Variants in NALF1 observed in about 807,000 individuals in gnomAD.
The protein encoded by NALF1 is NALCN channel auxiliary factor 1.
In NALF1, 3 loss-of-function variants were observed where a neutral mutation model predicts 48.4. The ratio of observed to expected loss-of-function variants is 0.06; its 90% CI spans 0.03 to 0.16. NALF1 has a LOEUF of 0.16. Among genes scored for constraint, NALF1 ranks in the 10% least tolerant of loss-of-function variants. The pLI is 1.00. For synonymous variants in NALF1, 262 were observed against 245.7 expected (o/e 1.07, Z -0.62); for missense variants, 526 against 571.5 (o/e 0.92, Z 0.81).
intron 1 of NALF1, among the ~76,000 whole-genome samples, chr13:107,631,813 A>C (rs998702975): frequency 6.6e-6 from 1 of 152,174 alleles, no homozygotes; most frequent in Non-Finnish European, 1.5e-5. Flanking sequence ...CAGAAATATT[A>C]GAAGTATTTC....
intron 1 of NALF1, chr13:107,835,452 G>A (rs1257724459): frequency 1.3e-5 from 2 of 152,190 alleles, no homozygotes; most frequent in East Asian, 3.9e-4. Context: ...CTGAAAGCAG[G>A]AGGAATAAAC....
chr13:107,635,586 A>G (rs1225520421), intron 1 of NALF1, among the ~76,000 whole-genome samples: 1 of 152,140 alleles, frequency 6.6e-6, no homozygotes, highest in Non-Finnish European at 1.5e-5. Context: ...TATGCAAGCC[A>G]CTATTTACTA....
rs1321326585 is a variant in NALF1, at chr13:107,272,340, G to A, written c.916-61585C>T. 3.4e-5 allele frequency among the ~76,000 whole-genome samples: 2 copies of A among 58,628 alleles called. 1 individual carries two copies. Among genetic ancestry groups the A allele is most frequent in the African/African-American group, 9.4e-5 (2 of 21,278 alleles). 38.5% of individuals were successfully genotyped at this position (58,628 alleles called of 152,430 possible). A position where few individuals can be genotyped will look rare whatever the true frequency, so the allele number is the denominator to read the frequency against. On this transcript the variant is annotated intron_variant, in intron 1 of 2. Coordinates refer to ENST00000375915, the MANE Select transcript of NALF1 (RefSeq NM_001080396.3). ...CGCCATTCTCCTGCCTCAGCCTCCCGAGTAGCTGGGACTACAGGCGCCCGC... is the reference window on the plus strand; with the variant it reads ...CGCCATTCTCCTGCCTCAGCCTCCCAAGTAGCTGGGACTACAGGCGCCCGC...
intron 1 of NALF1, among the ~76,000 whole-genome samples, chr13:107,430,456 C>A (rs72650593): frequency 0.23 from 34,238 of 151,844 alleles, 4,013 homozygotes; most frequent in Admixed American, 0.27. Flanking sequence ...CTGCTCCCTC[C>A]ACTCCACAAC....
chr13:107,178,592 T>A (rs1878989211), intron 2 of NALF1, among the ~76,000 whole-genome samples: 1 of 151,976 alleles, frequency 6.6e-6, no homozygotes, highest in Non-Finnish European at 1.5e-5. Flanking sequence ...GGGAACACTG[T>A]TTGTGGGAAT....
At chr13:107,830,419 C>T (rs1189204108) in intron 1 of NALF1, among the ~76,000 whole-genome samples, 2 of 152,200 alleles carry the variant, frequency 1.3e-5, no homozygotes, top group Non-Finnish European at 2.9e-5. Context: ...CACAAGGGTT[C>T]CAATCGCTCC....
In NALF1 at chr13:107,579,492, G is replaced by A. The variant is rs1050232164; in HGVS notation, c.915+286190C>T. On this transcript the variant is annotated intron_variant, in intron 1 of 2. Transcript: ENST00000375915. ...GAGACAGAGCAAAGAGAAAAGCAAA[G>A]TCTCTGTTGTGAGAATCCAGGCCAC... Among the ~76,000 whole-genome samples, 4 of 152,300 alleles carry A rather than the reference G, an allele frequency of 2.6e-5. No homozygotes were observed. The East Asian group carries it at 7.7e-4, about 29-fold the overall frequency.
At chr13:107,862,156 T>C (rs1880587929) in intron 1 of NALF1, among the ~76,000 whole-genome samples, 1 of 152,176 alleles carries the variant, frequency 6.6e-6, no homozygotes, top group African/African-American at 2.4e-5. Flanking sequence ...TGACCAACTG[T>C]TTGAGGGAAT....
intron 1 of NALF1, among the ~76,000 whole-genome samples, chr13:107,751,303 T>TA (rs1188599094): frequency 2.0e-5 from 3 of 152,330 alleles, no homozygotes; most frequent in Admixed American, 6.5e-5. Context: ...TTTCTGCACT[T>TA]ATGGAAACCT....
intron 1 of NALF1, among the ~76,000 whole-genome samples, chr13:107,505,559 AAG>A (rs1200341238): frequency 6.6e-6 from 1 of 152,172 alleles, no homozygotes; most frequent in African/African-American, 2.4e-5. Context: ...GAGTGAAAGA[AAG>A]AGAAAGTCAT....
At chr13:107,305,185 A>G (rs1402480662) in intron 1 of NALF1, among the ~76,000 whole-genome samples, 1 of 152,206 alleles carries the variant, frequency 6.6e-6, no homozygotes, top group East Asian at 1.9e-4. Flanking sequence ...CAACATCTCT[A>G]CAATGTGTCC....
In NALF1 at chr13:107,667,708, C is replaced by T. The variant is rs118121514; in HGVS notation, c.915+197974G>A. On this transcript the variant is annotated intron_variant, in intron 1 of 2. Transcript: ENST00000375915. ...ATTTGCTTCTAGAAAAAAACGAATG[C>T]CATCCATTATAAACAAAGTTAATTT... Among the ~76,000 whole-genome samples the T allele has an allele frequency of 2.6e-4, 40 of 152,102 alleles. No homozygotes were observed. In the East Asian group the frequency reaches 7.5e-3, roughly 29 times the overall value.
intron 1 of NALF1, among the ~76,000 whole-genome samples, chr13:107,830,914 T>C (rs1879700860): frequency 1.3e-5 from 2 of 152,160 alleles, no homozygotes; most frequent in South Asian, 2.1e-4. Context: ...TCTCAGATAA[T>C]CCCATGTCCT....
intron 1 of NALF1, among the ~76,000 whole-genome samples, chr13:107,224,523 A>C (rs1880062171): frequency 6.6e-6 from 1 of 151,198 alleles, no homozygotes; most frequent in African/African-American, 2.4e-5. Context: ...AAAGGTAAAA[A>C]ATTGGTTAAC....
intron 1 of NALF1, among the ~76,000 whole-genome samples, chr13:107,627,219 G>C (rs1415198756): frequency 6.6e-6 from 1 of 152,024 alleles, no homozygotes; most frequent in Non-Finnish European, 1.5e-5. Context: ...ATTTCTCACA[G>C]GAAATAATAT....
intron 1 of NALF1, among the ~76,000 whole-genome samples, chr13:107,269,742 G>C (rs2044811833): frequency 6.6e-6 from 1 of 151,992 alleles, no homozygotes; most frequent in Admixed American, 6.6e-5. Flanking sequence ...TCCAGAGAGG[G>C]AGGAGACGTG....
intron 1 of NALF1, among the ~76,000 whole-genome samples, chr13:107,780,130 G>A (rs373075680): frequency 1.7e-4 from 25 of 150,702 alleles, no homozygotes; most frequent in African/African-American, 5.4e-4. Flanking sequence ...TTTGTGGCCC[G>A]TGGCAATCTC....
intron 1 of NALF1, among the ~76,000 whole-genome samples, chr13:107,702,837 T>A (rs1265184043): frequency 6.6e-6 from 1 of 152,114 alleles, no homozygotes; most frequent in Non-Finnish European, 1.5e-5. Context: ...GAGGATAACA[T>A]CATCCAGCTC....
chr13:107,395,282 G>A (rs1883693571), intron 1 of NALF1, among the ~76,000 whole-genome samples: 2 of 152,074 alleles, frequency 1.3e-5, no homozygotes, highest in South Asian at 4.1e-4. Flanking sequence ...ACCTTCTGTG[G>A]TGGTTGCTGA....
Sources: gnomAD v4.1 joint callset for allele counts (sites outside exome capture counted in the v4.1 genomes callset) on GRCh38, gnomAD v4.1.1 for gene constraint, MANE v1.5 for transcripts, NCBI Gene and HGNC (gene_info 2026-07-23, HGNC 2026-07-21) for gene names.